Variants in ATXN1 observed in about 807,000 individuals in gnomAD.
The protein encoded by ATXN1 is ataxin 1, also known as ataxin-1.
A neutral mutation model predicts 56.4 loss-of-function variants in ATXN1; 8 were observed. The observed-to-expected ratio is 0.14, with a 90% CI of 0.08 to 0.26. The LOEUF is 0.26. Ranked by LOEUF, ATXN1 falls within the 10% of genes least tolerant of loss-of-function variation. The pLI, the probability that ATXN1 is intolerant of heterozygous loss-of-function variation, is 1.00. For synonymous variants in ATXN1, 514 were observed against 494.6 expected (o/e 1.04, Z -0.52); for missense variants, 987 against 1,106.5 (o/e 0.89, Z 1.53).
intron 6 of ATXN1, among the ~76,000 whole-genome samples, chr6:16,342,729 T>C (rs186704802): frequency 2.0e-5 from 3 of 152,346 alleles, no homozygotes; most frequent in East Asian, 1.9e-4. Flanking sequence ...TGCTATGACA[T>C]TGATAAATCT....
In ATXN1 at chr6:16,493,893, ACT is replaced by A. The variant is rs372753692; in HGVS notation, c.-298-7786_-298-7785del. ...TTTTTCCAACTCAGAACTAAAGGTA[ACT>A]CTTTGTATTTCCTTTCTGAGGAATA... On this transcript the variant is annotated intron_variant, in intron 5 of 7. Transcript: ENST00000436367. Among the ~76,000 whole-genome samples the A allele has an allele frequency of 5.6e-4, 85 of 152,194 alleles. 2 individuals are homozygous for A. The East Asian group carries it at 0.014, about 24-fold the overall frequency.
Position 16,306,196 on chromosome 6 carries a change from TA to T in ATXN1, c.*132del. The T allele has an allele frequency of 8.6e-7, 1 of 1,157,912 alleles. No individual in the cohort carries two copies. The highest frequency in any genetic ancestry group is 1.2e-6 in the Non-Finnish European group (1 of 825,444). The allele number at this position is 1,157,912 out of a possible 1,614,324, so 71.7% of individuals were successfully genotyped here. On this transcript the variant is annotated 3_prime_UTR_variant, in exon 8 of 8. Coordinates refer to ENST00000436367, the MANE Select transcript of ATXN1 (RefSeq NM_001128164.2). This position sits in a 1 kb window ranked among gnomAD's most constrained non-coding sequence, Gnocchi z 5.2. ...TCCTGCGACACACCTGCTGTAACTC[TA>T]ATGACAAGGTTAGAACAGAAACCTA...
chr6:16,315,768 T>C (rs1211426844), intron 7 of ATXN1, among the ~76,000 whole-genome samples: 1 of 152,146 alleles, frequency 6.6e-6, no homozygotes, highest in African/African-American at 2.4e-5. Context: ...GCTCAAGATA[T>C]CTTCCTGCCT....
intron 2 of ATXN1, among the ~76,000 whole-genome samples, chr6:16,726,867 A>C (rs1278383983): frequency 6.6e-6 from 1 of 152,198 alleles, no homozygotes; most frequent in East Asian, 1.9e-4. Flanking sequence ...TCAAAAAAAA[A>C]CAAAGAATAA....
At chr6:16,454,000 C>G (rs1759810589) in intron 6 of ATXN1, among the ~76,000 whole-genome samples, 1 of 151,776 alleles carries the variant, frequency 6.6e-6, no homozygotes, top group Non-Finnish European at 1.5e-5. Context: ...AAAGGTTAGC[C>G]AGGCATGGTG....
chr6:16,481,274 T>C (rs1297900994), intron 6 of ATXN1, among the ~76,000 whole-genome samples: 1 of 152,104 alleles, frequency 6.6e-6, no homozygotes, highest in African/African-American at 2.4e-5. Context: ...TCTTATCTAC[T>C]TCAGATTTTT....
At chr6:16,561,237 T>G (rs1762111055) in intron 4 of ATXN1, among the ~76,000 whole-genome samples, 1 of 152,134 alleles carries the variant, frequency 6.6e-6, no homozygotes, top group Non-Finnish European at 1.5e-5. Flanking sequence ...GCCATAACAC[T>G]CATTGCTATT....
intron 5 of ATXN1, among the ~76,000 whole-genome samples, chr6:16,486,447 T>C (rs1299280256): frequency 6.6e-6 from 1 of 152,180 alleles, no homozygotes; most frequent in Non-Finnish European, 1.5e-5. Context: ...CACTGTCATA[T>C]CTTACTGGGT....
At chr6:16,728,522 C>A (rs936223744) in intron 2 of ATXN1, among the ~76,000 whole-genome samples, 1 of 152,160 alleles carries the variant, frequency 6.6e-6, no homozygotes, top group Non-Finnish European at 1.5e-5. Context: ...TCCCTCTCAC[C>A]AACTCCACTA....
chr6:16,430,649 G>C (rs1759261017), intron 6 of ATXN1, among the ~76,000 whole-genome samples: 1 of 152,154 alleles, frequency 6.6e-6, no homozygotes, highest in Non-Finnish European at 1.5e-5. Flanking sequence ...AGAGGAGAAT[G>C]TCTAGTTTTT....
At chr6:16,465,412 G>A (rs776994603) in intron 6 of ATXN1, among the ~76,000 whole-genome samples, 7 of 152,286 alleles carry the variant, frequency 4.6e-5, no homozygotes, top group South Asian at 2.1e-4. Context: ...AGCCAAGATC[G>A]TGCCACTGCA....
intron 2 of ATXN1, among the ~76,000 whole-genome samples, chr6:16,689,421 C>T (rs1758993709): frequency 6.6e-6 from 1 of 151,998 alleles, no homozygotes; most frequent in Non-Finnish European, 1.5e-5. Flanking sequence ...CCATGGGATC[C>T]TCCCACCTCA....
intron 2 of ATXN1, among the ~76,000 whole-genome samples, chr6:16,681,723 T>C (rs1758816332): frequency 6.6e-6 from 1 of 152,212 alleles, no homozygotes; most frequent in Admixed American, 6.5e-5. Context: ...CATTAGTCAC[T>C]GAGCATATTG....
chr6:16,684,104 A>G (rs953356465), intron 2 of ATXN1, among the ~76,000 whole-genome samples: 8 of 152,206 alleles, frequency 5.3e-5, no homozygotes, highest in African/African-American at 1.9e-4. Context: ...TCATCCCCCA[A>G]ACTTCAGGGA....
chr6:16,604,530 A>T (rs1022688459), intron 3 of ATXN1, among the ~76,000 whole-genome samples: 2 of 151,698 alleles, frequency 1.3e-5, no homozygotes, highest in African/African-American at 2.4e-5. Flanking sequence ...AAAAGAAATA[A>T]AGAAAATGTC....
intron 2 of ATXN1, among the ~76,000 whole-genome samples, chr6:16,680,470 T>C (rs145477218): frequency 5.3e-5 from 8 of 152,204 alleles, no homozygotes; most frequent in Admixed American, 3.9e-4. Flanking sequence ...TCCGGGAGGA[T>C]TAACAAACTG....
rs1760806910 is a variant in ATXN1, at chr6:16,326,430, G to A, written c.1881C>T (p.Ala627=). The A allele has an allele frequency of 3.8e-5, 61 of 1,613,876 alleles. No individual in the cohort carries two copies. Among genetic ancestry groups the A allele is most frequent in the Non-Finnish European group, 4.8e-5 (57 of 1,179,956 alleles). ...RIEDSHSPGV[A]VIQFAVGEHR... is the part of the protein sequence containing the mutation. ...GCTCCCCGACGGCGAACTGTATCACGGCCACGCCCGGGCTATGGCTGTCTT... is the reference window on the plus strand; with the variant it reads ...GCTCCCCGACGGCGAACTGTATCACAGCCACGCCCGGGCTATGGCTGTCTT... Residue 627 remains alanine (A), a synonymous_variant, in exon 7 of 8, where the codon GCC becomes GCT. Coordinates refer to ENST00000436367, the MANE Select transcript of ATXN1 (RefSeq NM_001128164.2). The surrounding 1 kb of genome is among the most constrained non-coding windows in gnomAD (Gnocchi z 6.6).
At chr6:16,654,282 A>G (rs1758143296) in intron 3 of ATXN1, among the ~76,000 whole-genome samples, 1 of 152,208 alleles carries the variant, frequency 6.6e-6, no homozygotes, top group Admixed American at 6.5e-5. Flanking sequence ...GCAGTGGCTT[A>G]CACCTGTAAT....
At chr6:16,425,757 G>C (rs1433254230) in intron 6 of ATXN1, among the ~76,000 whole-genome samples, 1 of 152,054 alleles carries the variant, frequency 6.6e-6, no homozygotes, top group East Asian at 1.9e-4. Context: ...GAGCATCCCT[G>C]AAACACGGCT....
Sources: allele counts gnomAD v4.1 joint callset (sites outside exome capture counted in the v4.1 genomes callset), GRCh38; gene constraint gnomAD v4.1.1; non-coding constraint Gnocchi (gnomAD v3.1); transcripts MANE v1.5; gene names NCBI Gene and HGNC (gene_info 2026-07-23, HGNC 2026-07-21).